The following PROS1 variants were observed in gnomAD, a reference collection of about 807,000 sequenced individuals.
PROS1 encodes the protein vitamin K-dependent protein S.
In PROS1, 29 loss-of-function variants were observed where a neutral mutation model predicts 75.9. The ratio of observed to expected loss-of-function variants is 0.38; its 90% CI spans 0.28 to 0.52. The LOEUF is 0.52. Ranked by LOEUF, PROS1 falls within the 20% of genes least tolerant of loss-of-function variation. The pLI is 0.83. For synonymous variants in PROS1, 245 were observed against 280.6 expected (o/e 0.87, Z 1.27); for missense variants, 680 against 810.3 (o/e 0.84, Z 1.95).
At position 93,873,311 on chromosome 3, in the gene PROS1, T is replaced by TA. The variant is rs1260320629; in HGVS notation, c.*933dup. On this transcript the variant is annotated 3_prime_UTR_variant, in exon 15 of 15. Coordinates refer to ENST00000394236, the MANE Select transcript of PROS1 (RefSeq NM_000313.4). ...CTCCTTACTTCTTTGATTACAATGA[T>TA]ACGATATTCACTATATCCCTCTGTG... 1.3e-5 allele frequency: 2 copies of TA among 152,208 alleles called. No individual in the cohort carries two copies. The highest frequency in any genetic ancestry group is 2.9e-5 in the Non-Finnish European group (2 of 68,012). 9.4% of individuals were successfully genotyped at this position (152,208 alleles called of 1,614,324 possible). A position where few individuals can be genotyped will look rare whatever the true frequency, so the allele number is the denominator to read the frequency against.
At chr3:93,972,951 T>G (rs918042797) in intron 1 of PROS1, among the ~76,000 whole-genome samples, 1 of 152,164 alleles carries the variant, frequency 6.6e-6, no homozygotes, top group African/African-American at 2.4e-5. Flanking sequence ...TGGTATTCCT[T>G]ATATATTTTT....
At chr3:93,888,258 C>A (rs1337674309) in intron 10 of PROS1, among the ~76,000 whole-genome samples, 4 of 152,116 alleles carry the variant, frequency 2.6e-5, no homozygotes, top group African/African-American at 9.7e-5. Flanking sequence ...CCATGTATGC[C>A]CTTAATGGTA....
chr3:93,902,231 TG>T (rs1239267502), intron 6 of PROS1, among the ~76,000 whole-genome samples: 1 of 152,020 alleles, frequency 6.6e-6, no homozygotes, highest in Admixed American at 6.6e-5. Flanking sequence ...ACCCAGAAGC[TG>T]GGGTGCCTTG....
intron 1 of PROS1, among the ~76,000 whole-genome samples, chr3:93,969,463 G>A (rs1026796329): frequency 3.9e-5 from 6 of 152,188 alleles, no homozygotes; most frequent in Non-Finnish European, 8.8e-5. Flanking sequence ...TGTGGGAACT[G>A]TTCTTCCGGC....
intron 1 of PROS1, among the ~76,000 whole-genome samples, chr3:93,943,017 C>T (rs377023020): frequency 9.9e-4 from 151 of 152,298 alleles, no homozygotes; most frequent in African/African-American, 2.9e-3. Flanking sequence ...AAGTCCACTG[C>T]GGTCATTTCT....
intron 4 of PROS1, among the ~76,000 whole-genome samples, chr3:93,907,177 G>A (rs1366001756): frequency 1.3e-5 from 2 of 152,218 alleles, no homozygotes; most frequent in Non-Finnish European, 2.9e-5. Context: ...GCCCACCCAT[G>A]GCAGCCCATG....
At chr3:93,946,855 A>C (rs1441452665) in intron 1 of PROS1, among the ~76,000 whole-genome samples, 2 of 150,922 alleles carry the variant, frequency 1.3e-5, no homozygotes, top group Non-Finnish European at 3.0e-5. Context: ...AAAAAAAAAA[A>C]AAACTATCAT....
intron 1 of PROS1, among the ~76,000 whole-genome samples, chr3:93,954,008 A>T (rs1164587252): frequency 1.3e-5 from 2 of 152,194 alleles, no homozygotes; most frequent in Non-Finnish European, 2.9e-5. Flanking sequence ...TGGGAATCCA[A>T]CTTACAAGGG....
At chr3:93,943,817 C>A (rs1165673778) in intron 1 of PROS1, among the ~76,000 whole-genome samples, 1 of 152,094 alleles carries the variant, frequency 6.6e-6, no homozygotes, top group Non-Finnish European at 1.5e-5. Context: ...GATGACTTTA[C>A]CTTGTGAAAT....
chr3:93,940,146 A>G (rs990742320), intron 1 of PROS1, among the ~76,000 whole-genome samples: 4 of 152,126 alleles, frequency 2.6e-5, no homozygotes, highest in African/African-American at 9.7e-5. Context: ...GCCATGTCCC[A>G]TCTGTGCAGA....
chr3:93,938,532 C>A (rs1320753042), intron 1 of PROS1, among the ~76,000 whole-genome samples: 1 of 152,134 alleles, frequency 6.6e-6, no homozygotes, highest in Non-Finnish European at 1.5e-5. Flanking sequence ...CCACCCACGA[C>A]CTCAGGTCCT....
chr3:93,966,559 C>T (rs1709791405), intron 1 of PROS1, among the ~76,000 whole-genome samples: 1 of 152,098 alleles, frequency 6.6e-6, no homozygotes, highest in African/African-American at 2.4e-5. Context: ...ATGGGAGATG[C>T]TCAGCATTGT....
At chr3:93,907,087 G>A (rs1708687677) in intron 4 of PROS1, among the ~76,000 whole-genome samples, 1 of 152,228 alleles carries the variant, frequency 6.6e-6, no homozygotes, top group Non-Finnish European at 1.5e-5. Context: ...CCCACCTTCA[G>A]GCTGGGGAAG....
chr3:93,913,806 T>C (rs2107182684), intron 3 of PROS1, among the ~76,000 whole-genome samples: 1 of 152,296 alleles, frequency 6.6e-6, no homozygotes, highest in Non-Finnish European at 1.5e-5. Flanking sequence ...AAATCAGATA[T>C]GGGTGAGACT....
chr3:93,887,980 A>G (rs1234008814), intron 10 of PROS1, among the ~76,000 whole-genome samples: 1 of 152,246 alleles, frequency 6.6e-6, no homozygotes, highest in East Asian at 1.9e-4. Context: ...AATAATAAGT[A>G]ATGCAGAACT....
intron 3 of PROS1, among the ~76,000 whole-genome samples, chr3:93,913,430 C>T (rs569821511): frequency 3.7e-4 from 57 of 152,284 alleles, no homozygotes; most frequent in African/African-American, 1.3e-3. Context: ...CTCTTGCCTG[C>T]CACCAGGTAA....
chr3:93,945,640 G>A (rs1709379422), intron 1 of PROS1, among the ~76,000 whole-genome samples: 1 of 152,134 alleles, frequency 6.6e-6, no homozygotes, highest in Admixed American at 6.6e-5. Flanking sequence ...CAATAAGCTA[G>A]GTATTGATGG....
intron 6 of PROS1, among the ~76,000 whole-genome samples, chr3:93,904,677 T>C (rs532391155): frequency 6.6e-6 from 1 of 152,276 alleles, no homozygotes; most frequent in Admixed American, 6.5e-5. Context: ...GGATATTATA[T>C]TGTATCCAGT....
chr3:93,964,540 T>G (rs575368497), intron 1 of PROS1, among the ~76,000 whole-genome samples: 75 of 152,296 alleles, frequency 4.9e-4, no homozygotes, highest in Non-Finnish European at 1.0e-3. Context: ...AGACTGGTTC[T>G]CTGCTCTCGA....
Sources: allele counts gnomAD v4.1 joint callset (sites outside exome capture counted in the v4.1 genomes callset), GRCh38; gene constraint gnomAD v4.1.1; transcripts MANE v1.5; gene names NCBI Gene and HGNC (gene_info 2026-07-23, HGNC 2026-07-21).